Variants in VEPH1 observed in about 807,000 individuals in gnomAD.
VEPH1 encodes the protein ventricular zone-expressed PH domain-containing protein homolog 1.
In VEPH1, 80 loss-of-function variants were observed where a neutral mutation model predicts 85.2. That is an observed-to-expected ratio of 0.94 (90% CI 0.78 to 1.13). VEPH1 has a LOEUF of 1.13. VEPH1 is among the 50% of genes most tolerant of loss of function. The pLI is 0.00. For synonymous variants in VEPH1, 297 were observed against 348.0 expected (o/e 0.85, Z 1.63); for missense variants, 955 against 980.5 (o/e 0.97, Z 0.35).
At chr3:157,467,449 G>A (rs1039990056) in intron 3 of VEPH1, among the ~76,000 whole-genome samples, 4 of 151,490 alleles carry the variant, frequency 2.6e-5, no homozygotes, top group South Asian at 2.1e-4. Flanking sequence ...ATTTCTACAC[G>A]TTCCCCACAG....
intron 6 of VEPH1, among the ~76,000 whole-genome samples, chr3:157,395,450 T>C (rs962065277): frequency 1.3e-5 from 2 of 152,208 alleles, no homozygotes; most frequent in Non-Finnish European, 2.9e-5. Flanking sequence ...TCCATGTTGC[T>C]GAGCCCATGA....
chr3:157,278,957 A>T (rs1178886860), intron 12 of VEPH1, among the ~76,000 whole-genome samples: 1 of 152,140 alleles, frequency 6.6e-6, no homozygotes, highest in East Asian at 1.9e-4. Flanking sequence ...CTGAGGTGGG[A>T]TGATTGCTTG....
chr3:157,459,983 TC>T (rs752380954), intron 4 of VEPH1, 197 bp downstream of exon 4: 95 of 1,538,660 alleles, frequency 6.2e-5, no homozygotes, highest in Non-Finnish European at 8.1e-5. Context: ...TCTAAGTAAT[TC>T]ATCTGCCTTG....
At chr3:157,326,187 C>T (rs1046513149) in intron 9 of VEPH1, among the ~76,000 whole-genome samples, 2 of 152,058 alleles carry the variant, frequency 1.3e-5, no homozygotes, top group African/African-American at 4.8e-5. Flanking sequence ...ACTTTTGTAT[C>T]CTGGGATTTA....
chr3:157,295,954 C>CA lies in VEPH1; in HGVS notation c.2011-9281dup, dbSNP rs926149256. 4.2e-4 allele frequency among the ~76,000 whole-genome samples: 63 copies of CA among 149,472 alleles called. No homozygotes were observed. The East Asian group carries it at 4.7e-3, about 11-fold the overall frequency. On this transcript the variant is annotated intron_variant, in intron 11 of 13. Transcript: ENST00000362010. The stretch of plus-strand genomic sequence containing the variant: ...TGGGCAACAGAGTGAGACTCCATCT[C>CA]AAAAAAAAATAAATAAATAAATAAA...
intron 5 of VEPH1, among the ~76,000 whole-genome samples, chr3:157,419,830 C>G (rs1447770307): frequency 6.6e-6 from 1 of 151,962 alleles, no homozygotes; most frequent in African/African-American, 2.4e-5. Flanking sequence ...GGGTATATAC[C>G]CAAAGGAATA....
chr3:157,478,120 A>G (rs1460066197), intron 2 of VEPH1, among the ~76,000 whole-genome samples: 4 of 152,138 alleles, frequency 2.6e-5, no homozygotes, highest in Admixed American at 2.0e-4. Flanking sequence ...GTCAAAGGGA[A>G]TGGCCTCATT....
At chr3:157,305,122 TTTTTTG>T (rs1372897451) in intron 11 of VEPH1, among the ~76,000 whole-genome samples, 2 of 138,764 alleles carry the variant, frequency 1.4e-5, no homozygotes, top group African/African-American at 2.7e-5. Flanking sequence ...TTTTTTTTTT[TTTTTTG>T]AGACGGAGTC....
chr3:157,481,300 T>A (rs958628761), intron 2 of VEPH1, among the ~76,000 whole-genome samples: 1 of 151,788 alleles, frequency 6.6e-6, no homozygotes. Context: ...AGCTCATGGA[T>A]TGGAAGAATC....
intron 4 of VEPH1, chr3:157,437,527 T>G (rs1305845626): frequency 6.2e-7 from 1 of 1,605,958 alleles, no homozygotes; most frequent in East Asian, 2.2e-5. Flanking sequence ...GCCGTGCGCC[T>G]GCGGTCAGGA....
At chr3:157,490,667 G>A (rs1437964231) in intron 2 of VEPH1, among the ~76,000 whole-genome samples, 3 of 152,102 alleles carry the variant, frequency 2.0e-5, no homozygotes, top group African/African-American at 7.2e-5. Flanking sequence ...CACTGATGTT[G>A]GGTGTGTAAA....
At chr3:157,268,135 A>C (rs16827384) in intron 12 of VEPH1, among the ~76,000 whole-genome samples, 60,852 of 152,112 alleles carry the variant, frequency 0.4, 12,649 homozygotes, top group East Asian at 0.58. Context: ...GCTAGTAATG[A>C]TCTTTGCAAA....
rs762466921 is a variant in VEPH1, at chr3:157,470,434, A to G, written c.234T>C (p.His78=). Residue 78 remains histidine, a synonymous_variant, in exon 3 of 14, where the codon CAT becomes CAC. Coordinates refer to ENST00000362010, the MANE Select transcript of VEPH1 (RefSeq NM_001167912.2). ...AIRETESIEK[H]AKALVGLWDS... is the part of the protein sequence containing the mutation. ...CCCAGAGCCCCACAAGGGCCTTTGC[A>G]TGCTTTTCAATGGACTCGGTCTCTC... is the stretch of plus-strand genomic sequence containing the variant. 7 of 1,614,028 alleles carry G rather than the reference A, an allele frequency of 4.3e-6. No homozygotes were observed. Among genetic ancestry groups the G allele is most frequent in the African/African-American group, 1.3e-5 (1 of 74,908 alleles).
chr3:157,364,540 A>G (rs1171887013), intron 7 of VEPH1, 28 bp from the exon 8 acceptor site: 1 of 1,592,810 alleles, frequency 6.3e-7, no homozygotes, highest in Non-Finnish European at 8.6e-7. Flanking sequence ...ATTGCATTAG[A>G]TGCAGGTCAT....
chr3:157,351,622 A>G (rs998568578), intron 9 of VEPH1, among the ~76,000 whole-genome samples: 7 of 152,170 alleles, frequency 4.6e-5, no homozygotes, highest in African/African-American at 1.7e-4. Flanking sequence ...CTTACCTTCA[A>G]TGTGTTATGA....
At chr3:157,362,863 C>T (rs1029529297) in intron 9 of VEPH1, among the ~76,000 whole-genome samples, 1 of 152,106 alleles carries the variant, frequency 6.6e-6, no homozygotes, top group African/African-American at 2.4e-5. Flanking sequence ...CATCTATACT[C>T]TAAACTCTAA....
At chr3:157,489,575 C>T (rs547536195) in intron 2 of VEPH1, among the ~76,000 whole-genome samples, 1 of 152,258 alleles carries the variant, frequency 6.6e-6, no homozygotes, top group South Asian at 2.1e-4. Context: ...AAATTTCAAG[C>T]CTCCGATATC....
chr3:157,453,010 TC>T (rs1468898334), intron 4 of VEPH1, among the ~76,000 whole-genome samples: 1 of 152,130 alleles, frequency 6.6e-6, no homozygotes. Flanking sequence ...AAGTACAGTA[TC>T]CCCTGGAAAT....
chr3:157,485,795 T>C (rs972091185), intron 2 of VEPH1, among the ~76,000 whole-genome samples: 3 of 151,888 alleles, frequency 2.0e-5, no homozygotes, highest in Non-Finnish European at 4.4e-5. Flanking sequence ...CATAGAAAGG[T>C]AAAAGTAAAA....
Sources: gnomAD v4.1 joint callset for allele counts (sites outside exome capture counted in the v4.1 genomes callset) on GRCh38, gnomAD v4.1.1 for gene constraint, MANE v1.5 for transcripts, NCBI Gene and HGNC (gene_info 2026-07-23, HGNC 2026-07-21) for gene names.